Variants in MAP2K5 observed in about 807,000 individuals in gnomAD.
The protein encoded by MAP2K5 is dual specificity mitogen-activated protein kinase kinase 5.
In MAP2K5, 49 loss-of-function variants were observed where a neutral mutation model predicts 83.1. The observed-to-expected ratio is 0.59, with a 90% confidence interval of 0.47 to 0.75. MAP2K5 has a LOEUF of 0.75. MAP2K5 is among the 30% of genes least tolerant of loss of function. The pLI, the probability that MAP2K5 is intolerant of heterozygous loss-of-function variation, is 0.00. For missense variants in MAP2K5, 457 were observed against 557.5 expected (o/e 0.82, Z 1.82); for synonymous variants, 202 against 191.8 (o/e 1.05, Z -0.44).
chr15:67,656,803 T>C (rs1461095517), intron 11 of MAP2K5, among the ~76,000 whole-genome samples: 1 of 152,178 alleles, frequency 6.6e-6, no homozygotes. Context: ...TAATGTTTGA[T>C]AGGTCTAACA....
At position 67,638,890 on chromosome 15, in the gene MAP2K5, C is replaced by T. The variant is rs7172015; in HGVS notation, c.586-7341C>T. Reference sequence around the variant, plus strand: ...TATCTTCTTTTGAGAAGTGTCTGTTCGTGTCCTTTGCCCACTTTTTAATGG... The same window carrying T: ...TATCTTCTTTTGAGAAGTGTCTGTTTGTGTCCTTTGCCCACTTTTTAATGG... On this transcript the variant is annotated intron_variant, in intron 9 of 21. Coordinates refer to ENST00000178640, the MANE Select transcript of MAP2K5 (RefSeq NM_145160.3). This position sits in a 1 kb window ranked among gnomAD's most constrained non-coding sequence, Gnocchi z 4.5. 0.02 allele frequency among the ~76,000 whole-genome samples: 3,072 copies of T among 152,186 alleles called. 104 individuals carry two copies. Among genetic ancestry groups the T allele is most frequent in the African/African-American group, 0.071 (2,931 of 41,496 alleles).
intron 17 of MAP2K5, among the ~76,000 whole-genome samples, chr15:67,739,018 A>G (rs1050213584): frequency 2.6e-5 from 4 of 152,052 alleles, no homozygotes; most frequent in African/African-American, 7.2e-5. Context: ...GCTAGCTCAA[A>G]CCTGTAATCC....
chr15:67,598,224 C>G (rs2085573412), intron 7 of MAP2K5, among the ~76,000 whole-genome samples: 2 of 151,490 alleles, frequency 1.3e-5, no homozygotes, highest in African/African-American at 4.9e-5. Flanking sequence ...AAAACTAAAA[C>G]TAAAACTAAA....
chr15:67,761,987 G>A (rs912568792), intron 19 of MAP2K5, among the ~76,000 whole-genome samples: 1 of 152,188 alleles, frequency 6.6e-6, no homozygotes, highest in African/African-American at 2.4e-5. Context: ...TTCAAACACT[G>A]TATAGGAACA....
chr15:67,797,160 C>T lies in MAP2K5; in HGVS notation c.1243-9486C>T, dbSNP rs79694093. Among the ~76,000 whole-genome samples, 1,118 of 152,336 alleles carry T rather than the reference C, an allele frequency of 7.3e-3. 17 individuals are homozygous for T. Among genetic ancestry groups the T allele is most frequent in the African/African-American group, 0.024 (1,014 of 41,566 alleles). On this transcript the variant is annotated intron_variant, in intron 21 of 21. Transcript: ENST00000178640. ...TTCAGGGTTTTAGAGTTTCTGATCA[C>T]TCCCTTCTTACATGTTATCACAGTC... is the stretch of plus-strand genomic sequence containing the variant.
chr15:67,724,897 T>C lies in MAP2K5; in HGVS notation c.1045-3019T>C, dbSNP rs1430953491. On this transcript the variant is annotated intron_variant, in intron 16 of 21. Transcript: ENST00000178640. This position sits in a 1 kb window ranked among gnomAD's most constrained non-coding sequence, Gnocchi z 4.4. The stretch of plus-strand genomic sequence containing the variant: ...TGACACTCTGTAAGAGAGGAAGTGA[T>C]TGTCATCATGCTGCAATTGCAGCGG... Among the ~76,000 whole-genome samples the C allele has an allele frequency of 1.3e-5, 2 of 152,218 alleles. No individual in the cohort carries two copies. Among genetic ancestry groups the C allele is most frequent in the African/African-American group, 2.4e-5 (1 of 41,462 alleles).
At chr15:67,743,920 G>A (rs2089548290) in intron 17 of MAP2K5, among the ~76,000 whole-genome samples, 2 of 152,160 alleles carry the variant, frequency 1.3e-5, no homozygotes, top group South Asian at 4.2e-4. Context: ...ATGGGCATCT[G>A]ACTAGAATCC....
rs2088779839 is a variant in MAP2K5, at chr15:67,714,413, GGAAAAAAAAAAAAAAAAAAAAAAAAAA to G, written c.1044+11006_1044+11032del. 5.6e-4 allele frequency among the ~76,000 whole-genome samples: 24 copies of G among 42,692 alleles called. 1 individual carries two copies. The highest frequency in any genetic ancestry group is 1.3e-3 in the African/African-American group (17 of 12,744). 28.0% of individuals were successfully genotyped at this position (42,692 alleles called of 152,430 possible). The stretch of plus-strand genomic sequence containing the variant: ...CCCCCCACCCCTACCCAGCTGCCAG[GGAAAAAAAAAAAAAAAAAAAAAAAAAA>G]AAAAAAAAAAAAAAACCACCACCCT... On this transcript the variant is annotated intron_variant, in intron 16 of 21. Coordinates refer to ENST00000178640, the MANE Select transcript of MAP2K5 (RefSeq NM_145160.3).
chr15:67,678,101 C>T (rs953718647), intron 13 of MAP2K5, among the ~76,000 whole-genome samples: 2 of 152,300 alleles, frequency 1.3e-5, no homozygotes, highest in Non-Finnish European at 2.9e-5. Context: ...TAATGCAGAA[C>T]GTCAGCATAG....
rs777607027 is a variant in MAP2K5, at chr15:67,563,373, CTA to C, written c.252+25_252+26del. The stretch of plus-strand genomic sequence containing the variant: ...TATGTAAGTATACGACAAATGAAGA[CTA>C]TTTTTTAAAATCTTAACGTGATTGA... On this transcript the variant is annotated intron_variant, in intron 3 of 21. Coordinates refer to ENST00000178640, the MANE Select transcript of MAP2K5 (RefSeq NM_145160.3). This position sits in a 1 kb window ranked among gnomAD's most constrained non-coding sequence, Gnocchi z 4.5. 4.4e-6 allele frequency: 7 copies of C among 1,597,030 alleles called. No individual in the cohort carries two copies. Among genetic ancestry groups the C allele is most frequent in the Non-Finnish European group, 6.0e-6 (7 of 1,173,246 alleles).
At chr15:67,602,582 G>T (rs1199389040) in intron 8 of MAP2K5, among the ~76,000 whole-genome samples, 4 of 152,138 alleles carry the variant, frequency 2.6e-5, no homozygotes, top group Middle Eastern at 3.2e-3. Flanking sequence ...TGAAACCCCA[G>T]CAGAATTTTT....
rs1313410121 is a variant in MAP2K5 at position 67,577,335 on chromosome 15, GTGGCAGACT to G, written c.253-3417_253-3409del. Among the ~76,000 whole-genome samples the G allele has an allele frequency of 6.6e-6, 1 of 152,194 alleles. No individual in the cohort carries two copies. On this transcript the variant is annotated intron_variant, in intron 3 of 21. Transcript: ENST00000178640. The surrounding 1 kb of genome is among the most constrained non-coding windows in gnomAD (Gnocchi z 4.1). ...TCCTGAAGGCTACACAAGTTAATGA[GTGGCAGACT>G]TAGAATTCAACCCCATTTCAATCAG...
chr15:67,758,445 C>T lies in MAP2K5; in HGVS notation c.1134+9844C>T, dbSNP rs2089883449. Among the ~76,000 whole-genome samples, 1 of 152,040 alleles carries T rather than the reference C, an allele frequency of 6.6e-6. No homozygotes were observed. The highest frequency in any genetic ancestry group is 1.5e-5 in the Non-Finnish European group (1 of 67,992). On this transcript the variant is annotated intron_variant, in intron 19 of 21. Transcript: ENST00000178640. The surrounding 1 kb of genome is among the most constrained non-coding windows in gnomAD (Gnocchi z 4.7). ...CTGTTCTTGGGAGATCACCAAGCAC[C>T]TCATTCAAAACTATATTCATTCCTG...
chr15:67,793,736 T>G lies in MAP2K5; in HGVS notation c.1243-12910T>G, dbSNP rs2090556505. On this transcript the variant is annotated intron_variant, in intron 21 of 21. Transcript: ENST00000178640. The surrounding 1 kb of genome is among the most constrained non-coding windows in gnomAD (Gnocchi z 4.6). ...GATTTGGAAACTGGCCATTTCACTG[T>G]ATAGAAAATATACTCTTTGATCACG... Among the ~76,000 whole-genome samples the G allele has an allele frequency of 6.6e-6, 1 of 152,238 alleles. No homozygotes were observed. The highest frequency in any genetic ancestry group is 6.5e-5 in the Admixed American group (1 of 15,284).
intron 9 of MAP2K5, among the ~76,000 whole-genome samples, chr15:67,632,371 A>G (rs916579867): frequency 6.6e-6 from 1 of 152,180 alleles, no homozygotes; most frequent in African/African-American, 2.4e-5. Context: ...AAGTCCTGGG[A>G]TTATAGGCAT....
chr15:67,633,281 A>G (rs1464833888), intron 9 of MAP2K5, among the ~76,000 whole-genome samples: 1 of 152,124 alleles, frequency 6.6e-6, no homozygotes, highest in Non-Finnish European at 1.5e-5. Flanking sequence ...TGTTCCTTTT[A>G]TGTCAGAAGT....
At position 67,802,859 on chromosome 15, in the gene MAP2K5, A is replaced by G. The variant is rs1253511895; in HGVS notation, c.1243-3787A>G. The stretch of plus-strand genomic sequence containing the variant: ...ATCTGGATTCCTCTGCCTGGGAGGG[A>G]TGTACATTTCACCCAAGCCCAGGGG... On this transcript the variant is annotated intron_variant, in intron 21 of 21. Transcript: ENST00000178640. The surrounding 1 kb of genome is among the most constrained non-coding windows in gnomAD (Gnocchi z 5.0). Among the ~76,000 whole-genome samples the G allele has an allele frequency of 6.6e-6, 1 of 152,010 alleles. No homozygotes were observed. Among genetic ancestry groups the G allele is most frequent in the Non-Finnish European group, 1.5e-5 (1 of 68,004 alleles).
chr15:67,731,792 A>G (rs1444111576), intron 17 of MAP2K5, among the ~76,000 whole-genome samples: 1 of 152,136 alleles, frequency 6.6e-6, no homozygotes, highest in Admixed American at 6.5e-5. Context: ...TAACTTCTTA[A>G]TTCGTTTGGC....
Position 67,574,208 on chromosome 15 carries a change from A to G in MAP2K5, c.253-6546A>G, listed in dbSNP as rs971171815. Among the ~76,000 whole-genome samples, 22 of 152,200 alleles carry G rather than the reference A, an allele frequency of 1.4e-4. 1 individual carries two copies. Among genetic ancestry groups the G allele is most frequent in the African/African-American group, 4.8e-4 (20 of 41,444 alleles). ...GCCACTTAGGGGGCTGTTCCTTGTG[A>G]AAGACAATGGTGGTCACTGGACTGG... On this transcript the variant is annotated intron_variant, in intron 3 of 21. Transcript: ENST00000178640.
Sources: gnomAD v4.1 joint callset for allele counts (sites outside exome capture counted in the v4.1 genomes callset) on GRCh38, gnomAD v4.1.1 for gene constraint, Gnocchi (gnomAD v3.1) non-coding constraint, MANE v1.5 for transcripts, NCBI Gene and HGNC (gene_info 2026-07-23, HGNC 2026-07-21) for gene names.